CARNMT1: variants seen among roughly 807,000 people sequenced by gnomAD.
CARNMT1 encodes protein-L-histidine N-pros-methyltransferase CARNMT1.
A neutral mutation model predicts 49.6 loss-of-function variants in CARNMT1; 28 were observed. The ratio of observed to expected loss-of-function variants is 0.56; its 90% CI spans 0.42 to 0.77. The LOEUF (loss-of-function observed/expected upper bound fraction) is 0.77, where lower values mean the gene tolerates loss of function less well. Ranked by LOEUF, CARNMT1 falls within the 30% of genes least tolerant of loss-of-function variation. CARNMT1 has a pLI of 0.00. For missense variants in CARNMT1, 421 were observed against 512.6 expected (o/e 0.82, Z 1.73); for synonymous variants, 178 against 175.0 (o/e 1.02, Z -0.13).
chr9:75,006,901 C>T (rs945626009), intron 3 of CARNMT1, among the ~76,000 whole-genome samples: 5 of 152,094 alleles, frequency 3.3e-5, no homozygotes, highest in Non-Finnish European at 7.4e-5. Context: ...TCTAATAATG[C>T]CATGCCTTTT....
At chr9:74,988,268 T>C (rs1832908306) in intron 6 of CARNMT1, among the ~76,000 whole-genome samples, 1 of 152,140 alleles carries the variant, frequency 6.6e-6, no homozygotes, top group Admixed American at 6.6e-5. Flanking sequence ...ATATGTTTTT[T>C]TCTTTGATTA....
Position 75,016,329 on chromosome 9 carries a change from T to C in CARNMT1, c.529A>G (p.Arg177Gly). The change falls in exon 3 of 8, where the codon AGG becomes GGG. Residue 177 changes from arginine to glycine, a missense_variant. By Grantham distance (125) the Arg-to-Gly change is moderately radical. Coordinates refer to ENST00000376834, the MANE Select transcript of CARNMT1 (RefSeq NM_152420.3). ...ATGATTGGCTGGTAACAGGCATCCC[T>C]TTCTGCTTTCCCAGTTTCACTCCAG... The part of the protein sequence containing the change: ...RDWSETGKAE[R>G]DACYQPIIKE... 1 of 1,614,140 alleles carries C rather than the reference T, an allele frequency of 6.2e-7. No individual in the cohort carries two copies. Among genetic ancestry groups the C allele is most frequent in the Non-Finnish European group, 8.5e-7 (1 of 1,179,996 alleles).
intron 1 of CARNMT1, among the ~76,000 whole-genome samples, chr9:75,021,637 G>A (rs2118871221): frequency 1.3e-5 from 2 of 151,394 alleles, no homozygotes; most frequent in South Asian, 4.1e-4. Flanking sequence ...GCACATTTCC[G>A]TTTTGCTTAA....
At position 75,028,108 on chromosome 9, in the gene CARNMT1, G is replaced by T. The variant is rs1422309439; in HGVS notation, c.134C>A (p.Ala45Glu). ...GRWGSAAAVS[A>E]AAAAATRSTE... Reference sequence around the variant, plus strand: ...GCTGCGCGTGGCCGCCGCCGCTGCCGCCGAAACCGCCGCGGCCGAGCCCCA... The same window carrying T: ...GCTGCGCGTGGCCGCCGCCGCTGCCTCCGAAACCGCCGCGGCCGAGCCCCA... The change falls in exon 1 of 8, where the codon GCG becomes GAG. Residue 45 changes from alanine to glutamate, a missense_variant. Ala to Glu is a moderately radical substitution (Grantham distance 107). This residue lies in a region of CARNMT1 where 186 missense variants were observed against 167.9 expected (regional missense o/e 1.11). Transcript: ENST00000376834. 6.4e-7 allele frequency: 1 copy of T among 1,555,192 alleles called. No homozygotes were observed. Among genetic ancestry groups the T allele is most frequent in the South Asian group, 1.2e-5 (1 of 85,018 alleles).
chr9:75,007,805 C>A (rs1480534099), intron 3 of CARNMT1, among the ~76,000 whole-genome samples: 1 of 149,706 alleles, frequency 6.7e-6, no homozygotes, highest in African/African-American at 2.4e-5. Flanking sequence ...GAAAGTCCCA[C>A]AGCTACTCAA....
chr9:75,010,097 CTT>C (rs1272217280), intron 3 of CARNMT1: 1 of 118,384 alleles, frequency 8.4e-6, no homozygotes, highest in Non-Finnish European at 1.8e-5. Flanking sequence ...CTCTTTCTCT[CTT>C]ATAAAAAAAG....
At chr9:74,994,832 C>T (rs1401942182) in intron 6 of CARNMT1, among the ~76,000 whole-genome samples, 2 of 152,016 alleles carry the variant, frequency 1.3e-5, no homozygotes, top group African/African-American at 4.8e-5. Flanking sequence ...TCCATTATTA[C>T]AATTTTCAAA....
chr9:75,003,742 T>C (rs1051382344), intron 3 of CARNMT1, among the ~76,000 whole-genome samples: 7 of 152,262 alleles, frequency 4.6e-5, no homozygotes, highest in African/African-American at 1.2e-4. Context: ...ACTTTTTATT[T>C]TGAAAAATTT....
Position 74,994,902 on chromosome 9 carries a change from T to C in CARNMT1, c.1024+1545A>G, listed in dbSNP as rs144058929. On this transcript the variant is annotated intron_variant, in intron 6 of 7. Transcript: ENST00000376834. ...CTAATTGACTTCCTGTTAACCAACATGCTCCATTACTTCTGATGCCCATGA... is the reference window on the plus strand; with the variant it reads ...CTAATTGACTTCCTGTTAACCAACACGCTCCATTACTTCTGATGCCCATGA... 2.0e-3 allele frequency among the ~76,000 whole-genome samples: 311 copies of C among 152,312 alleles called. 1 individual carries two copies. Among genetic ancestry groups the C allele is most frequent in the African/African-American group, 6.9e-3 (289 of 41,588 alleles).
At chr9:74,999,990 T>G (rs1484224537) in intron 3 of CARNMT1, 120 bp from the exon 4 acceptor site, 1 of 796,152 alleles carries the variant, frequency 1.3e-6, no homozygotes, top group Non-Finnish European at 1.9e-6. Context: ...AGACTCTGAC[T>G]TCTCACAATC....
chr9:75,018,411 T>C (rs1376054162), intron 1 of CARNMT1, among the ~76,000 whole-genome samples: 1 of 152,136 alleles, frequency 6.6e-6, no homozygotes, highest in Non-Finnish European at 1.5e-5. Flanking sequence ...CAGTATATCA[T>C]TTTTATATTG....
chr9:74,999,848 G>A lies in CARNMT1; in HGVS notation c.613C>T (p.Leu205=). 4 of 1,609,992 alleles carry A rather than the reference G, an allele frequency of 2.5e-6. No individual in the cohort carries two copies. The highest frequency in any genetic ancestry group is 3.4e-6 in the Non-Finnish European group (4 of 1,178,072). The change falls in exon 4 of 8, where the codon CTG becomes TTG. Residue 205 remains leucine (L), a synonymous_variant. Transcript: ENST00000376834. The part of the protein sequence containing the change: ...ERWDPSKVNI[L]VPGAGLGRLA... ...CTTCCTAGTCCAGCACCAGGTACCA[G>A]AATATTTACTTTAGAAGGATCCCTG...
At chr9:74,990,581 T>C (rs72732921) in intron 6 of CARNMT1, among the ~76,000 whole-genome samples, 7,339 of 152,304 alleles carry the variant, frequency 0.048, 227 homozygotes, top group Middle Eastern at 0.092. Context: ...TACATATATT[T>C]CCTACCCTGT....
chr9:75,007,792 T>C (rs1403519158), intron 3 of CARNMT1, among the ~76,000 whole-genome samples: 1 of 150,364 alleles, frequency 6.7e-6, no homozygotes, highest in Non-Finnish European at 1.5e-5. Context: ...AAAGGGTATT[T>C]ACGAAAGTCC....
chr9:74,998,580 C>A lies in CARNMT1; in HGVS notation c.910+18G>T. 1 of 1,513,174 alleles carries A rather than the reference C, an allele frequency of 6.6e-7. No individual in the cohort carries two copies. 93.7% of individuals were successfully genotyped at this position (1,513,174 alleles called of 1,614,324 possible). A position where few individuals can be genotyped will look rare whatever the true frequency, so the allele number is the denominator to read the frequency against. On this transcript the variant is annotated intron_variant, in intron 5 of 7. Transcript: ENST00000376834. ...AGAATAAAGGACAAGACTTTTTAAA[C>A]GCTTGATTTGGACTTACTGCATTCT...
intron 6 of CARNMT1, among the ~76,000 whole-genome samples, chr9:74,994,135 T>C (rs1833118011): frequency 6.6e-6 from 1 of 152,130 alleles, no homozygotes; most frequent in African/African-American, 2.4e-5. Flanking sequence ...TCACTCCTTC[T>C]CCCTCTATGC....
At chr9:74,996,219 T>TA (rs1452820023) in intron 6 of CARNMT1, 1 of 369,186 alleles carries the variant, frequency 2.7e-6, no homozygotes, top group Non-Finnish European at 4.9e-6. Context: ...ACACTGAAAT[T>TA]ACAATGACTG....
intron 2 of CARNMT1, 42 bp downstream of exon 2, chr9:75,017,211 T>A (rs1833879512): frequency 6.7e-7 from 1 of 1,484,794 alleles, no homozygotes; most frequent in Admixed American, 1.7e-5. Flanking sequence ...AATACAGAGG[T>A]TGACCCTAAA....
chr9:74,983,700 T>G lies in CARNMT1; in HGVS notation c.*67A>C. On this transcript the variant is annotated 3_prime_UTR_variant, in exon 8 of 8. Transcript: ENST00000376834. ...GTGTCCTGTCATCACTGATAGTTGA[T>G]TTTGAGTCGTTGATTTCAGCATTTG... The G allele has an allele frequency of 1.1e-6, 1 of 915,904 alleles. No homozygotes were observed. Among genetic ancestry groups the G allele is most frequent in the Non-Finnish European group, 1.7e-6 (1 of 582,804 alleles). 56.7% of individuals were successfully genotyped at this position (915,904 alleles called of 1,614,324 possible).
Sources: gnomAD v4.1 joint callset for allele counts (sites outside exome capture counted in the v4.1 genomes callset) on GRCh38, gnomAD v4.1.1 for gene constraint, gnomAD v4.1.1 regional missense constraint, MANE v1.5 for transcripts, NCBI Gene and HGNC (gene_info 2026-07-23, HGNC 2026-07-21) for gene names.